NRG1: variants seen among roughly 807,000 people sequenced by gnomAD.
NRG1 encodes the protein neuregulin 1.
A neutral mutation model predicts 63.8 loss-of-function variants in NRG1; 18 were observed. The ratio of observed to expected loss-of-function variants is 0.28; its 90% CI spans 0.19 to 0.42. NRG1 has a LOEUF of 0.42. Ranked by LOEUF, NRG1 falls within the 10% of genes least tolerant of loss-of-function variation. The probability of loss-of-function intolerance (pLI) is 1.00; values close to 1 mark genes in which losing one functional copy is unlikely to be tolerated. For synonymous variants in NRG1, 302 were observed against 301.3 expected, an observed-to-expected ratio of 1.00 and a Z score of -0.02; for missense variants, 762 against 814.7, an observed-to-expected ratio of 0.94 and a Z score of 0.79.
At chr8:32,682,803 A>G (rs908440538) in intron 5 of NRG1, among the ~76,000 whole-genome samples, 1 of 152,206 alleles carries the variant, frequency 6.6e-6, no homozygotes, top group African/African-American at 2.4e-5. Context: ...TCTCCTGCAT[A>G]ATAACTTAGT....
At chr8:32,709,171 CAAA>C (rs1817182917) in intron 5 of NRG1, among the ~76,000 whole-genome samples, 1 of 152,048 alleles carries the variant, frequency 6.6e-6, no homozygotes, top group African/African-American at 2.4e-5. Flanking sequence ...TTTTAGGAAA[CAAA>C]GAAGCCTAAG....
chr8:32,406,317 A>T (rs982821821), intron 1 of NRG1, among the ~76,000 whole-genome samples: 1 of 152,234 alleles, frequency 6.6e-6, no homozygotes, highest in African/African-American at 2.4e-5. Flanking sequence ...TGGACAAAAG[A>T]TTAAATATAT....
At chr8:32,156,011 G>A (rs1838022335) in intron 1 of NRG1, among the ~76,000 whole-genome samples, 1 of 152,074 alleles carries the variant, frequency 6.6e-6, no homozygotes, top group South Asian at 2.1e-4. Flanking sequence ...ATTGTTTCAG[G>A]TGCTAAATTT....
chr8:32,321,520 T>TTCTTC (rs1563312680), intron 1 of NRG1, among the ~76,000 whole-genome samples: 2 of 146,914 alleles, frequency 1.4e-5, no homozygotes, highest in African/African-American at 5.1e-5. Context: ...GTTTTTTTTT[T>TTCTTC]TTCTTCTTCT....
intron 1 of NRG1, among the ~76,000 whole-genome samples, chr8:31,785,734 A>C (rs1820109847): frequency 6.6e-6 from 1 of 152,194 alleles, no homozygotes; most frequent in South Asian, 2.1e-4. Flanking sequence ...TCTTTAATCT[A>C]ACTTAAACAT....
chr8:32,306,657 G>A (rs1856219379), intron 1 of NRG1, among the ~76,000 whole-genome samples: 1 of 152,172 alleles, frequency 6.6e-6, no homozygotes, highest in Non-Finnish European at 1.5e-5. Context: ...CAAAAGCCTT[G>A]ACTCTGTATT....
chr8:32,302,999 T>G (rs1421217997), intron 1 of NRG1, among the ~76,000 whole-genome samples: 1 of 136,058 alleles, frequency 7.3e-6, no homozygotes, highest in Non-Finnish European at 1.7e-5. Context: ...CTGGCCAACG[T>G]GGTAAAGCCC....
intron 1 of NRG1, among the ~76,000 whole-genome samples, chr8:32,275,730 G>T (rs772146959): frequency 6.6e-6 from 1 of 151,978 alleles, no homozygotes; most frequent in Non-Finnish European, 1.5e-5. Flanking sequence ...ATCCCCCAGG[G>T]ATCTTGTGAA....
At chr8:32,468,353 T>A (rs1563505017) in intron 1 of NRG1, among the ~76,000 whole-genome samples, 1 of 152,168 alleles carries the variant, frequency 6.6e-6, no homozygotes. Flanking sequence ...GAGAAAACCC[T>A]TTCAGTCTGT....
chr8:32,127,621 TAG>T (rs1289494747), intron 1 of NRG1, among the ~76,000 whole-genome samples: 1 of 151,366 alleles, frequency 6.6e-6, no homozygotes, highest in Non-Finnish European at 1.5e-5. Flanking sequence ...GCATTATCAA[TAG>T]AGTCTTTCTT....
chr8:31,805,985 C>T (rs1433454705), intron 1 of NRG1, among the ~76,000 whole-genome samples: 1 of 152,032 alleles, frequency 6.6e-6, no homozygotes, highest in Non-Finnish European at 1.5e-5. Flanking sequence ...CACCTAATGC[C>T]CATCAATCAT....
downstream of NRG1, among the ~76,000 whole-genome samples, chr8:32,771,680 G>T (rs13266765): frequency 1.0e-4 from 14 of 139,512 alleles, no homozygotes; most frequent in Non-Finnish European, 7.6e-5. Context: ...TTTCTACACA[G>T]GATGTTCAGA....
intron 1 of NRG1, among the ~76,000 whole-genome samples, chr8:32,584,386 C>T (rs1229707821): frequency 3.9e-5 from 6 of 152,100 alleles, no homozygotes; most frequent in Non-Finnish European, 5.9e-5. Flanking sequence ...TGTCCATGGA[C>T]CTGCTTAAGA....
At chr8:32,438,465 G>C (rs902195475) in intron 1 of NRG1, among the ~76,000 whole-genome samples, 1 of 152,082 alleles carries the variant, frequency 6.6e-6, no homozygotes, top group African/African-American at 2.4e-5. Flanking sequence ...AGTTTGGGGA[G>C]ATTATAAATA....
At chr8:31,809,896 A>G (rs1822716388) in intron 1 of NRG1, among the ~76,000 whole-genome samples, 2 of 150,796 alleles carry the variant, frequency 1.3e-5, no homozygotes, top group African/African-American at 4.9e-5. Context: ...CTTTAACCGC[A>G]GTCTCATGAA....
chr8:32,317,347 T>G (rs1367537955), intron 1 of NRG1, among the ~76,000 whole-genome samples: 1 of 152,184 alleles, frequency 6.6e-6, no homozygotes, highest in Non-Finnish European at 1.5e-5. Flanking sequence ...CAGGAGAAAG[T>G]GCATGTGAAT....
intron 1 of NRG1, among the ~76,000 whole-genome samples, chr8:32,054,474 C>T (rs1476140890): frequency 6.6e-6 from 1 of 152,156 alleles, no homozygotes; most frequent in Non-Finnish European, 1.5e-5. Flanking sequence ...CCTGCAGTCA[C>T]CAACAGAAGC....
chr8:32,532,888 T>C (rs923575800), intron 1 of NRG1, among the ~76,000 whole-genome samples: 1 of 152,054 alleles, frequency 6.6e-6, no homozygotes, highest in Non-Finnish European at 1.5e-5. Context: ...TTTTCTAAAA[T>C]GCAAAATTTG....
intron 1 of NRG1, among the ~76,000 whole-genome samples, chr8:32,084,406 G>T (rs1045853185): frequency 6.6e-6 from 1 of 152,098 alleles, no homozygotes; most frequent in Non-Finnish European, 1.5e-5. Context: ...AACCAAAGCT[G>T]GTTGTCAGTA....
Sources: allele counts gnomAD v4.1 joint callset (sites outside exome capture counted in the v4.1 genomes callset), GRCh38; gene constraint gnomAD v4.1.1; transcripts MANE v1.5; gene names NCBI Gene and HGNC (gene_info 2026-07-23, HGNC 2026-07-21).